SLIT3: variants seen among roughly 807,000 people sequenced by gnomAD.
SLIT3 encodes slit guidance ligand 3.
Under a neutral mutation model 184.0 loss-of-function variants are expected in SLIT3, and 68 were observed. The observed-to-expected ratio is 0.37, with a 90% confidence interval of 0.30 to 0.45. The LOEUF is 0.45. SLIT3 is among the 20% of genes least tolerant of loss of function. The pLI is 1.00. For synonymous variants in SLIT3, 831 were observed against 828.6 expected, an observed-to-expected ratio of 1.00 and a Z score of -0.05; for missense variants, 1,707 against 2,026.0, an observed-to-expected ratio of 0.84 and a Z score of 3.02.
intron 8 of SLIT3, among the ~76,000 whole-genome samples, chr5:168,811,414 G>T (rs1757152989): frequency 6.6e-6 from 1 of 152,168 alleles, no homozygotes; most frequent in South Asian, 2.1e-4. Flanking sequence ...TAAAGCTAGT[G>T]AACAACAATG....
chr5:169,008,104 A>G (rs1238690866), intron 4 of SLIT3, among the ~76,000 whole-genome samples: 1 of 152,206 alleles, frequency 6.6e-6, no homozygotes, highest in Non-Finnish European at 1.5e-5. Flanking sequence ...AACTAATGAT[A>G]ATTTTATTCT....
rs1767664689 is a variant in SLIT3, at chr5:169,300,882, C to G, written c.-173G>C. ...GGGGCGCGGGCGGAGCGGGGCGCTC[C>G]GGGCGGCGGCGGCGGCAGCAACAGC... On this transcript the variant is annotated 5_prime_UTR_variant, in exon 1 of 36. Coordinates refer to ENST00000519560, the MANE Select transcript of SLIT3 (RefSeq NM_003062.4). This position sits in a 1 kb window ranked among gnomAD's most constrained non-coding sequence, Gnocchi z 4.1. The G allele has an allele frequency of 4.4e-6, 2 of 450,028 alleles. No individual in the cohort carries two copies. The highest frequency in any genetic ancestry group is 2.1e-5 in the African/African-American group (1 of 47,572). The allele number at this position is 450,028 out of a possible 1,614,324, so 27.9% of individuals were successfully genotyped here. A position where few individuals can be genotyped will look rare whatever the true frequency, so the allele number is the denominator to read the frequency against.
At chr5:168,783,736 C>A (rs1452200338) in intron 12 of SLIT3, among the ~76,000 whole-genome samples, 5 of 152,114 alleles carry the variant, frequency 3.3e-5, no homozygotes, top group Non-Finnish European at 5.9e-5. Flanking sequence ...TAAATTAGAT[C>A]GAATCAGGGC....
At chr5:168,977,162 C>A (rs1754791898) in intron 4 of SLIT3, among the ~76,000 whole-genome samples, 6 of 152,116 alleles carry the variant, frequency 3.9e-5, no homozygotes, top group Non-Finnish European at 8.8e-5. Flanking sequence ...TTCTGGGAGT[C>A]AATCTGCCCA....
chr5:169,037,738 G>C (rs1246188087), intron 4 of SLIT3: 1 of 152,292 alleles, frequency 6.6e-6, no homozygotes, highest in East Asian at 1.9e-4. Context: ...GGACAGAGTA[G>C]GCCCTGACGG....
At chr5:169,018,230 C>G (rs1041350997) in intron 4 of SLIT3, among the ~76,000 whole-genome samples, 1 of 152,168 alleles carries the variant, frequency 6.6e-6, no homozygotes, top group East Asian at 1.9e-4. Context: ...GGGGTGATTC[C>G]TATCTACACT....
At chr5:168,761,366 G>T (rs1755141822) in intron 15 of SLIT3, among the ~76,000 whole-genome samples, 1 of 152,028 alleles carries the variant, frequency 6.6e-6, no homozygotes. Context: ...GAACTTCACA[G>T]GTATTCAGGG....
chr5:168,979,474 T>C (rs1270210572), intron 4 of SLIT3, among the ~76,000 whole-genome samples: 12 of 152,224 alleles, frequency 7.9e-5, no homozygotes, highest in Non-Finnish European at 1.3e-4. Context: ...TTCCCCTGTT[T>C]ACCAGGAGGA....
intron 3 of SLIT3, among the ~76,000 whole-genome samples, chr5:169,227,191 T>C (rs1764842986): frequency 6.6e-6 from 1 of 152,230 alleles, no homozygotes; most frequent in Non-Finnish European, 1.5e-5. Flanking sequence ...AGGTAGGGAA[T>C]AGCTGAACAG....
intron 4 of SLIT3, among the ~76,000 whole-genome samples, chr5:169,084,752 T>C (rs1485591177): frequency 6.6e-6 from 1 of 152,206 alleles, no homozygotes; most frequent in Non-Finnish European, 1.5e-5. Context: ...TTCCCCTCTT[T>C]CAGGGGCCAG....
At chr5:168,713,465 TA>T (rs569610077) in intron 23 of SLIT3, among the ~76,000 whole-genome samples, 9 of 152,260 alleles carry the variant, frequency 5.9e-5, no homozygotes, top group African/African-American at 1.9e-4. Flanking sequence ...ATCAACTGCA[TA>T]AAAAAATCTG....
At chr5:168,860,456 A>G (rs1759061827) in intron 5 of SLIT3, among the ~76,000 whole-genome samples, 1 of 152,138 alleles carries the variant, frequency 6.6e-6, no homozygotes, top group Non-Finnish European at 1.5e-5. Flanking sequence ...GAGGAGTCCC[A>G]GGGATTTAGG....
intron 20 of SLIT3, among the ~76,000 whole-genome samples, chr5:168,726,670 T>C (rs1157104787): frequency 2.0e-5 from 3 of 151,920 alleles, no homozygotes; most frequent in Non-Finnish European, 4.4e-5. Flanking sequence ...AGGGGCTTAC[T>C]GCAGAAAGAT....
In SLIT3 at chr5:169,058,809, G is replaced by A. The variant is rs190934133; in HGVS notation, c.413+134670C>T. On this transcript the variant is annotated intron_variant, in intron 4 of 35. Coordinates refer to ENST00000519560, the MANE Select transcript of SLIT3 (RefSeq NM_003062.4). ...CTCCTTTGATGAAATCTAAATGGAA[G>A]GCTGAGATCAGAAGAAAGAATAAGA... 5.3e-5 allele frequency among the ~76,000 whole-genome samples: 8 copies of A among 152,318 alleles called. No individual in the cohort carries two copies. In the East Asian group the frequency reaches 1.2e-3, roughly 22 times the overall value.
At chr5:168,823,355 G>A (rs1475127544) in intron 6 of SLIT3, 24 bp from the exon 7 acceptor site, 25 of 1,579,330 alleles carry the variant, frequency 1.6e-5, no homozygotes, top group Non-Finnish European at 2.1e-5. Context: ...CAAGGGAGAT[G>A]GTCAGCCAGG....
rs539633923 is a variant in SLIT3 at position 169,114,609 on chromosome 5, C to T, written c.413+78870G>A. On this transcript the variant is annotated intron_variant, in intron 4 of 35. Transcript: ENST00000519560. The stretch of plus-strand genomic sequence containing the variant: ...GCCAGGGTGTCCTGGTGTGACATTG[C>T]AATTTCAGTACATTTCAATTCCCAG... Among the ~76,000 whole-genome samples, 10 of 152,296 alleles carry T rather than the reference C, an allele frequency of 6.6e-5. No individual in the cohort carries two copies. In the South Asian group the frequency reaches 1.9e-3, roughly 28 times the overall value.
At chr5:169,280,450 C>T (rs1249905595) in intron 1 of SLIT3, among the ~76,000 whole-genome samples, 2 of 152,160 alleles carry the variant, frequency 1.3e-5, no homozygotes, top group Non-Finnish European at 2.9e-5. Context: ...AGGCAAGCGG[C>T]CTCGTCTCAG....
At chr5:168,798,953 G>A (rs1358154223) in intron 9 of SLIT3, among the ~76,000 whole-genome samples, 4 of 152,178 alleles carry the variant, frequency 2.6e-5, no homozygotes, top group Non-Finnish European at 5.9e-5. Context: ...AGGTTGAGCT[G>A]GGTCTCAAAG....
At chr5:169,273,463 C>A (rs1766696620) in intron 1 of SLIT3, among the ~76,000 whole-genome samples, 1 of 152,176 alleles carries the variant, frequency 6.6e-6, no homozygotes, top group South Asian at 2.1e-4. Context: ...CAGCCAAATG[C>A]TCTAGGTCAG....
Sources: gnomAD v4.1 joint callset for allele counts (sites outside exome capture counted in the v4.1 genomes callset) on GRCh38, gnomAD v4.1.1 for gene constraint, Gnocchi (gnomAD v3.1) non-coding constraint, MANE v1.5 for transcripts, NCBI Gene and HGNC (gene_info 2026-07-23, HGNC 2026-07-21) for gene names.